The following COBL variants were observed in gnomAD, a reference collection of about 807,000 sequenced individuals.
The protein encoded by COBL is cordon-bleu WH2 repeat protein.
A neutral mutation model predicts 98.8 loss-of-function variants in COBL; 51 were observed. That is an observed-to-expected ratio of 0.52 (90% CI 0.41 to 0.65). The LOEUF (loss-of-function observed/expected upper bound fraction) is 0.65. COBL is among the 30% of genes least tolerant of loss of function. The pLI is 0.00. For missense variants in COBL, 1,617 were observed against 1,617.5 expected, an observed-to-expected ratio of 1.00 and a Z score of 0.01; for synonymous variants, 634 against 651.7, an observed-to-expected ratio of 0.97 and a Z score of 0.41.
intron 8 of COBL, 122 bp from the exon 9 acceptor site, chr7:51,031,031 T>C (rs1588270400): frequency 4.3e-6 from 3 of 701,306 alleles, no homozygotes; most frequent in South Asian, 3.4e-5. Context: ...ACATACTCAC[T>C]GTACTGCTGT....
intron 7 of COBL, among the ~76,000 whole-genome samples, chr7:51,067,773 T>C (rs968833293): frequency 1.1e-4 from 17 of 152,252 alleles, no homozygotes; most frequent in Non-Finnish European, 2.5e-4. Flanking sequence ...TTGGCATAAA[T>C]GCAGCAAAGC....
intron 1 of COBL, among the ~76,000 whole-genome samples, chr7:51,300,443 G>A (rs763516408): frequency 2.0e-5 from 3 of 152,218 alleles, no homozygotes; most frequent in African/African-American, 7.2e-5. Flanking sequence ...TTATAGGCAT[G>A]AGCCACCATA....
intron 6 of COBL, among the ~76,000 whole-genome samples, chr7:51,113,105 T>C (rs1796981687): frequency 6.6e-6 from 1 of 152,166 alleles, no homozygotes; most frequent in East Asian, 1.9e-4. Context: ...GAGGTACTGG[T>C]CCCACACATC....
At chr7:51,139,339 C>T (rs892117178) in intron 5 of COBL, among the ~76,000 whole-genome samples, 2 of 152,158 alleles carry the variant, frequency 1.3e-5, no homozygotes, top group African/African-American at 2.4e-5. Flanking sequence ...ACTGAGATGA[C>T]CTTGAATGGC....
chr7:51,241,030 G>A (rs1199703091), intron 1 of COBL, among the ~76,000 whole-genome samples: 1 of 152,212 alleles, frequency 6.6e-6, no homozygotes, highest in Non-Finnish European at 1.5e-5. Context: ...GTGCTTTAAA[G>A]GCAGAGCTGT....
At chr7:51,127,303 G>A (rs1035935570) in intron 6 of COBL, among the ~76,000 whole-genome samples, 3 of 152,190 alleles carry the variant, frequency 2.0e-5, no homozygotes, top group African/African-American at 7.2e-5. Flanking sequence ...CAGGGGGGAC[G>A]GGGCCACTGA....
chr7:51,042,788 G>A (rs181080327), intron 8 of COBL, among the ~76,000 whole-genome samples: 1 of 152,300 alleles, frequency 6.6e-6, no homozygotes, highest in African/African-American at 2.4e-5. Flanking sequence ...GTAAATGAAA[G>A]CTACATGAGA....
chr7:51,284,129 C>CAAAAAAAAAA (rs71021763), intron 1 of COBL, among the ~76,000 whole-genome samples: 62 of 66,190 alleles, frequency 9.4e-4, no homozygotes, highest in African/African-American at 1.6e-3. Context: ...ACCAAAAATA[C>CAAAAAAAAAA]AAAAAAAAAA....
rs191336355 is a variant in COBL at position 51,024,296 on chromosome 7, G to A, written c.3768+813C>T. Reference sequence around the variant, plus strand: ...TGCACTCCAACCTGGGCGACAGAGTGAGACTCCGTCTCAGATAAATAAATA... The same window carrying A: ...TGCACTCCAACCTGGGCGACAGAGTAAGACTCCGTCTCAGATAAATAAATA... On this transcript the variant is annotated intron_variant, in intron 12 of 12. Transcript: ENST00000265136. Among the ~76,000 whole-genome samples the A allele has an allele frequency of 3.9e-5, 6 of 152,104 alleles. No homozygotes were observed. In the East Asian group the frequency reaches 1.2e-3, roughly 29 times the overall value.
At chr7:51,239,414 C>T (rs1410355300) in intron 1 of COBL, among the ~76,000 whole-genome samples, 1 of 152,168 alleles carries the variant, frequency 6.6e-6, no homozygotes, top group Non-Finnish European at 1.5e-5. Flanking sequence ...AGAAGTTACC[C>T]TGTATGTCAA....
chr7:51,032,606 C>A (rs1278712134), intron 8 of COBL: 3 of 152,188 alleles, frequency 2.0e-5, no homozygotes, highest in Non-Finnish European at 2.9e-5. Flanking sequence ...CAGGAAGTGG[C>A]TTCCAGATTA....
At chr7:51,205,922 G>T (rs978364767) in intron 2 of COBL, among the ~76,000 whole-genome samples, 1 of 152,100 alleles carries the variant, frequency 6.6e-6, no homozygotes, top group African/African-American at 2.4e-5. Context: ...CTCAAAATAA[G>T]ACATACAAAT....
At chr7:51,256,684 T>C (rs1797232304) in intron 1 of COBL, among the ~76,000 whole-genome samples, 1 of 152,204 alleles carries the variant, frequency 6.6e-6, no homozygotes, top group Non-Finnish European at 1.5e-5. Context: ...CAAGTGTTAC[T>C]ACCACCACCA....
At chr7:51,257,525 C>T (rs1050593679) in intron 1 of COBL, among the ~76,000 whole-genome samples, 5 of 152,230 alleles carry the variant, frequency 3.3e-5, no homozygotes, top group African/African-American at 1.2e-4. Flanking sequence ...TACCGTCAAG[C>T]AATATGCAAA....
In COBL at chr7:51,063,207, G is replaced by A. The variant is rs150885906; in HGVS notation, c.1097-19515C>T. Among the ~76,000 whole-genome samples, 747 of 150,010 alleles carry A rather than the reference G, an allele frequency of 5.0e-3. 10 individuals carry two copies. Among genetic ancestry groups the A allele is most frequent in the African/African-American group, 0.017 (707 of 40,668 alleles). ...TGGAGTACAATGGCGTGATCTTGGC[G>A]CACTGCAACCTCCACCTCCCGGGTT... On this transcript the variant is annotated intron_variant, in intron 7 of 12. Transcript: ENST00000265136.
chr7:51,120,065 A>G (rs754967526), intron 6 of COBL, among the ~76,000 whole-genome samples: 15 of 152,352 alleles, frequency 9.8e-5, no homozygotes, highest in Non-Finnish European at 2.2e-4. Flanking sequence ...TTTTGGCCAC[A>G]GTCCTGTTTG....
At chr7:51,114,790 A>G (rs1797130118) in intron 6 of COBL, among the ~76,000 whole-genome samples, 1 of 152,202 alleles carries the variant, frequency 6.6e-6, no homozygotes, top group Non-Finnish European at 1.5e-5. Flanking sequence ...TCATGTCCCC[A>G]ACATATTCCT....
At chr7:51,237,731 G>A (rs1009227285) in intron 1 of COBL, among the ~76,000 whole-genome samples, 7 of 152,126 alleles carry the variant, frequency 4.6e-5, no homozygotes, top group African/African-American at 1.2e-4. Context: ...AAATTCAAGG[G>A]CTGCCTCTAT....
Position 51,190,835 on chromosome 7 carries a change from G to T in COBL, c.685+15C>A. The T allele has an allele frequency of 6.2e-7, 1 of 1,603,474 alleles. No individual in the cohort carries two copies. The highest frequency in any genetic ancestry group is 8.5e-7 in the Non-Finnish European group (1 of 1,171,004). ...GTGATTATGGGCAGGTGCGTGAGAC[G>T]CAGCGGGGCCTCACCTCTTCTGTTG... On this transcript the variant is annotated intron_variant, in intron 4 of 12. Transcript: ENST00000265136.
Sources: gnomAD v4.1 joint callset for allele counts (sites outside exome capture counted in the v4.1 genomes callset) on GRCh38, gnomAD v4.1.1 for gene constraint, MANE v1.5 for transcripts, NCBI Gene and HGNC (gene_info 2026-07-23, HGNC 2026-07-21) for gene names.